GALNT17: variants seen among roughly 807,000 people sequenced by gnomAD.
GALNT17 encodes the protein polypeptide N-acetylgalactosaminyltransferase 17, also known as UDP-GalNAc:polypeptide N-acetylgalactosaminyltransferase-like 3.
In GALNT17, 29 loss-of-function variants were observed where a neutral mutation model predicts 63.7. The observed-to-expected ratio is 0.46, with a 90% confidence interval of 0.34 to 0.62. GALNT17 has a LOEUF of 0.62. GALNT17 is among the 20% of genes least tolerant of loss of function. The probability of loss-of-function intolerance (pLI) is 0.01; values close to 1 mark genes in which losing one functional copy is unlikely to be tolerated. For synonymous variants in GALNT17, 305 were observed against 318.3 expected, an observed-to-expected ratio of 0.96 and a Z score of 0.45; for missense variants, 603 against 799.6, an observed-to-expected ratio of 0.75 and a Z score of 2.97.
At chr7:71,612,741 A>G (rs1275012054) in intron 6 of GALNT17, among the ~76,000 whole-genome samples, 1 of 152,202 alleles carries the variant, frequency 6.6e-6, no homozygotes, top group Non-Finnish European at 1.5e-5. Context: ...GTTGATGGAA[A>G]ACACTAGAAA....
In GALNT17 at chr7:71,670,103, C is replaced by T. The variant is rs144202399; in HGVS notation, c.1398C>T (p.Tyr466=). ...EMRRYNNTVA[Y]GELRNNKAKD... is the part of the protein sequence containing the mutation. ...GAAGATACAATAATACCGTTGCTTA[C>T]GGGGAGGTAATTCAGACCGTGCATG... Residue 466 remains tyrosine (Y), a synonymous_variant, in exon 8 of 11, where the codon TAC becomes TAT. Coordinates refer to ENST00000333538, the MANE Select transcript of GALNT17 (RefSeq NM_022479.3). 218 of 1,613,840 alleles carry T rather than the reference C, an allele frequency of 1.4e-4. No homozygotes were observed. Among genetic ancestry groups the T allele is most frequent in the Middle Eastern group, 3.3e-4 (2 of 6,082 alleles).
intron 6 of GALNT17, among the ~76,000 whole-genome samples, chr7:71,645,437 T>C (rs182745864): frequency 4.7e-4 from 72 of 152,290 alleles, no homozygotes; most frequent in Middle Eastern, 6.8e-3. Context: ...ACACACCCTC[T>C]CTCTCTCCTG....
chr7:71,285,962 C>T (rs1790865311), intron 1 of GALNT17, among the ~76,000 whole-genome samples: 1 of 152,164 alleles, frequency 6.6e-6, no homozygotes, highest in Non-Finnish European at 1.5e-5. Context: ...GACTGGAAAC[C>T]ATCATAAACA....
Position 71,449,108 on chromosome 7 carries a change from C to CTTTTTTTTTTTTTTTTTTTT in GALNT17, c.962+28006_962+28025dup, listed in dbSNP as rs59368494. On this transcript the variant is annotated intron_variant, in intron 5 of 10. Coordinates refer to ENST00000333538, the MANE Select transcript of GALNT17 (RefSeq NM_022479.3). ...ATTAGAAATAACAGCTGCCTATTTT[C>CTTTTTTTTTTTTTTTTTTTT]TTTTTTTTTTTTTTTTTTTTTTGAG... 2.0e-3 allele frequency among the ~76,000 whole-genome samples: 147 copies of CTTTTTTTTTTTTTTTTTTTT among 72,750 alleles called. 38 individuals carry two copies. Among genetic ancestry groups the CTTTTTTTTTTTTTTTTTTTT allele is most frequent in the African/African-American group, 4.7e-3 (81 of 17,406 alleles). The allele number at this position is 72,750 out of a possible 152,430, so 47.7% of individuals were successfully genotyped here.
intron 5 of GALNT17, among the ~76,000 whole-genome samples, chr7:71,515,743 A>C (rs1438008106): frequency 1.3e-5 from 2 of 152,206 alleles, no homozygotes; most frequent in African/African-American, 4.8e-5. Context: ...GACAGGTCTC[A>C]ATCAATTTAG....
intron 1 of GALNT17, among the ~76,000 whole-genome samples, chr7:71,231,386 T>C (rs964009725): frequency 1.3e-5 from 2 of 152,120 alleles, no homozygotes; most frequent in African/African-American, 4.8e-5. Flanking sequence ...ATCTGCAACA[T>C]GGCAGGCGAT....
chr7:71,191,729 C>A (rs1242114008), intron 1 of GALNT17, among the ~76,000 whole-genome samples: 1 of 152,264 alleles, frequency 6.6e-6, no homozygotes, highest in African/African-American at 2.4e-5. Context: ...AAAAGAGCAA[C>A]TGTGTCTGCT....
In GALNT17 at chr7:71,480,945, C is replaced by G. The variant is rs945606387; in HGVS notation, c.962+59840C>G. Among the ~76,000 whole-genome samples the G allele has an allele frequency of 2.6e-5, 4 of 152,196 alleles. No individual in the cohort carries two copies. In the South Asian group the frequency reaches 8.3e-4, roughly 32 times the overall value. On this transcript the variant is annotated intron_variant, in intron 5 of 10. Coordinates refer to ENST00000333538, the MANE Select transcript of GALNT17 (RefSeq NM_022479.3). ...AGCCCTTTCATGACAGCCCAGGCAA[C>G]ACAGAGCTACAGAGGGAGGGAACCT...
Position 71,522,280 on chromosome 7 carries a change from G to GT in GALNT17, c.963-49000dup, listed in dbSNP as rs1788542882. 2.6e-5 allele frequency among the ~76,000 whole-genome samples: 4 copies of GT among 152,162 alleles called. No individual in the cohort carries two copies. The East Asian group carries it at 7.7e-4, about 29-fold the overall frequency. On this transcript the variant is annotated intron_variant, in intron 5 of 10. Coordinates refer to ENST00000333538, the MANE Select transcript of GALNT17 (RefSeq NM_022479.3). ...TCCTGAGAAGGTGCAGAAAATGCAG[G>GT]TTTTTATTCTCAGGGCTTCTGTTGG...
intron 6 of GALNT17, among the ~76,000 whole-genome samples, chr7:71,609,102 A>C (rs1209776473): frequency 3.9e-5 from 6 of 152,032 alleles, no homozygotes; most frequent in Non-Finnish European, 7.4e-5. Flanking sequence ...TTCCTGATCA[A>C]AGCCATTCTA....
chr7:71,639,080 A>T (rs1406395797), intron 6 of GALNT17, among the ~76,000 whole-genome samples: 1 of 152,126 alleles, frequency 6.6e-6, no homozygotes, highest in East Asian at 1.9e-4. Flanking sequence ...AGATAACTAA[A>T]AGAGTTTAAT....
chr7:71,180,406 C>A (rs1048666182), intron 1 of GALNT17, among the ~76,000 whole-genome samples: 1 of 152,166 alleles, frequency 6.6e-6, no homozygotes, highest in Non-Finnish European at 1.5e-5. Flanking sequence ...GGATTACAGG[C>A]GTGAACCACC....
At chr7:71,659,840 A>C (rs929485745) in intron 6 of GALNT17, among the ~76,000 whole-genome samples, 1 of 152,062 alleles carries the variant, frequency 6.6e-6, no homozygotes, top group African/African-American at 2.4e-5. Flanking sequence ...TGGGCTTGGG[A>C]CTGTTGCCCA....
chr7:71,273,854 TGAGAGAGA>T (rs541301580), intron 1 of GALNT17, among the ~76,000 whole-genome samples: 2 of 151,460 alleles, frequency 1.3e-5, no homozygotes, highest in African/African-American at 4.8e-5. Context: ...TGTGTGTGTG[TGAGAGAGA>T]GAGAGAGAGA....
intron 1 of GALNT17, among the ~76,000 whole-genome samples, chr7:71,257,959 C>G (rs1206653569): frequency 6.6e-6 from 1 of 152,164 alleles, no homozygotes; most frequent in Non-Finnish European, 1.5e-5. Context: ...TGTATTTGAC[C>G]TCTGCATTGG....
At chr7:71,537,312 A>G (rs1163526770) in intron 5 of GALNT17, among the ~76,000 whole-genome samples, 1 of 152,112 alleles carries the variant, frequency 6.6e-6, no homozygotes, top group East Asian at 1.9e-4. Flanking sequence ...GGTAGGGTGA[A>G]TGGTGGCCCC....
chr7:71,278,757 G>A (rs1356166496), intron 1 of GALNT17, among the ~76,000 whole-genome samples: 2 of 152,020 alleles, frequency 1.3e-5, no homozygotes, highest in South Asian at 2.1e-4. Flanking sequence ...ACTATCATGA[G>A]AACAGCATGA....
chr7:71,339,047 C>T (rs1791962463), intron 2 of GALNT17, among the ~76,000 whole-genome samples: 1 of 152,150 alleles, frequency 6.6e-6, no homozygotes, highest in Non-Finnish European at 1.5e-5. Context: ...CTCTCATTAG[C>T]CTTTCTTATT....
At chr7:71,225,862 A>G (rs1357984372) in intron 1 of GALNT17, among the ~76,000 whole-genome samples, 3 of 152,202 alleles carry the variant, frequency 2.0e-5, no homozygotes, top group African/African-American at 7.2e-5. Context: ...ATGTTGATGT[A>G]TATTTTTGAC....
Sources: gnomAD v4.1 joint callset for allele counts (sites outside exome capture counted in the v4.1 genomes callset) on GRCh38, gnomAD v4.1.1 for gene constraint, MANE v1.5 for transcripts, NCBI Gene and HGNC (gene_info 2026-07-23, HGNC 2026-07-21) for gene names.